The following LPIN1 variants were observed in gnomAD, a reference collection of about 807,000 sequenced individuals.
LPIN1 encodes the protein phosphatidate phosphatase LPIN1.
Under a neutral mutation model 107.5 loss-of-function variants are expected in LPIN1, and 71 were observed. That is an observed-to-expected ratio of 0.66 (90% CI 0.55 to 0.80). The LOEUF (loss-of-function observed/expected upper bound fraction) is 0.80, where lower values mean the gene tolerates loss of function less well. Among genes scored for constraint, LPIN1 ranks in the 30% least tolerant of loss-of-function variants. The probability of loss-of-function intolerance (pLI) is 0.00; values close to 1 mark genes in which losing one functional copy is unlikely to be tolerated. For missense variants in LPIN1, 1,043 were observed against 1,160.6 expected (o/e 0.90, Z 1.47); for synonymous variants, 445 against 452.6 (o/e 0.98, Z 0.21).
rs982360390 is a variant in LPIN1 at position 11,746,635 on chromosome 2, T to C, written c.-46T>C. 18 of 985,204 alleles carry C rather than the reference T, an allele frequency of 1.8e-5. No homozygotes were observed. Among genetic ancestry groups the C allele is most frequent in the Non-Finnish European group, 1.8e-5 (15 of 829,924 alleles). The allele number at this position is 985,204 out of a possible 1,614,324, so 61.0% of individuals were successfully genotyped here. On this transcript the variant is annotated 5_prime_UTR_variant, in exon 1 of 21. Coordinates refer to ENST00000674199, the MANE Select transcript of LPIN1 (RefSeq NM_001349206.2). ...CTGACAGCCGGCGGCGGGCTGGGTG[T>C]TTGCAATACAAAGGCGGCCACGCGC... is the stretch of plus-strand genomic sequence containing the variant.
At chr2:11,810,901 A>G (rs766312581) in intron 17 of LPIN1, among the ~76,000 whole-genome samples, 4 of 152,126 alleles carry the variant, frequency 2.6e-5, no homozygotes, top group Non-Finnish European at 5.9e-5. Context: ...GGATGCAGAG[A>G]TTAGGCAGAG....
chr2:11,677,836 C>T (rs1572279930), intron 1 of LPIN1: 4 of 983,218 alleles, frequency 4.1e-6, no homozygotes, highest in African/African-American at 1.6e-5. Context: ...GCGCCCAGAG[C>T]GCCTTGTTCG....
chr2:11,810,241 TG>T (rs1337820699), intron 17 of LPIN1, among the ~76,000 whole-genome samples: 1 of 152,192 alleles, frequency 6.6e-6, no homozygotes, highest in Non-Finnish European at 1.5e-5. Flanking sequence ...TGTTGGTTTT[TG>T]TTGGACATAC....
intron 1 of LPIN1, chr2:11,683,158 C>T (rs1661814007): frequency 3.3e-5 from 5 of 152,160 alleles, no homozygotes; most frequent in Admixed American, 3.3e-4. Context: ...GATTATGTGA[C>T]TCCACATAAC....
At chr2:11,738,739 G>A (rs1248694394) in intron 1 of LPIN1, among the ~76,000 whole-genome samples, 2 of 152,188 alleles carry the variant, frequency 1.3e-5, no homozygotes, top group Non-Finnish European at 2.9e-5. Context: ...GTGGGCTTCC[G>A]GGAGGCCAAG....
upstream of LPIN1, among the ~76,000 whole-genome samples, chr2:11,723,066 G>GA (rs201346137): frequency 4.3e-3 from 657 of 151,916 alleles, 8 homozygotes; most frequent in African/African-American, 0.014. Context: ...AGAGACAAAA[G>GA]AAAAAAAATC....
intron 1 of LPIN1, chr2:11,741,100 G>A (rs1215421863): frequency 9.0e-6 from 3 of 333,768 alleles, no homozygotes; most frequent in East Asian, 9.9e-5. Flanking sequence ...GGAGCAGGAC[G>A]GCCTTCACAG....
At chr2:11,791,713 A>G (rs1675760938) in intron 12 of LPIN1, 1 of 1,427,468 alleles carries the variant, frequency 7.0e-7, no homozygotes, top group Non-Finnish European at 9.3e-7. Context: ...TTAAGTCTTC[A>G]TGCTTAAGTT....
upstream of LPIN1, among the ~76,000 whole-genome samples, chr2:11,741,825 C>G (rs1168057573): frequency 6.6e-6 from 1 of 150,800 alleles, no homozygotes; most frequent in Non-Finnish European, 1.5e-5. Flanking sequence ...CAAAACCAAA[C>G]CAAACAAAAC....
At chr2:11,750,926 G>A (rs1269489250) in intron 1 of LPIN1, among the ~76,000 whole-genome samples, 2 of 152,212 alleles carry the variant, frequency 1.3e-5, no homozygotes, top group Admixed American at 1.3e-4. Flanking sequence ...ACCAAGACAC[G>A]AATTTGGACA....
chr2:11,708,362 A>G (rs1401261720), intron 1 of LPIN1, among the ~76,000 whole-genome samples: 1 of 152,164 alleles, frequency 6.6e-6, no homozygotes, highest in Non-Finnish European at 1.5e-5. Flanking sequence ...AGTCATGGAA[A>G]TGACTCCAAG....
intron 7 of LPIN1, among the ~76,000 whole-genome samples, chr2:11,780,441 G>A (rs1673398001): frequency 6.6e-6 from 1 of 152,160 alleles, no homozygotes; most frequent in Non-Finnish European, 1.5e-5. Flanking sequence ...CCCTGGGAGA[G>A]GGAAAGGCTA....
At chr2:11,755,988 TG>T (rs936309337) in intron 1 of LPIN1, among the ~76,000 whole-genome samples, 7 of 152,216 alleles carry the variant, frequency 4.6e-5, no homozygotes, top group South Asian at 2.1e-4. Context: ...CCCAAAGTGC[TG>T]GGATCACAGG....
At chr2:11,727,694 A>C (rs1249405413) in intron 1 of LPIN1, among the ~76,000 whole-genome samples, 2 of 152,238 alleles carry the variant, frequency 1.3e-5, no homozygotes, top group Non-Finnish European at 2.9e-5. Flanking sequence ...ATCTGACTCC[A>C]ATTCAGACCA....
intron 1 of LPIN1, among the ~76,000 whole-genome samples, chr2:11,713,070 CA>C (rs1300232787): frequency 2.0e-4 from 30 of 152,326 alleles, no homozygotes; most frequent in African/African-American, 6.7e-4. Flanking sequence ...ACAGCAGAGG[CA>C]GCACTTGAGT....
chr2:11,677,838 C>A, intron 1 of LPIN1: 2 of 967,370 alleles, frequency 2.1e-6, no homozygotes, highest in South Asian at 3.0e-5. Flanking sequence ...GCCCAGAGCG[C>A]CTTGTTCGGG....
At position 11,774,434 on chromosome 2, in the gene LPIN1, C is replaced by T. The variant is rs1405646101; in HGVS notation, c.722+689C>T. 7.9e-5 allele frequency among the ~76,000 whole-genome samples: 12 copies of T among 152,112 alleles called. No homozygotes were observed. The highest frequency in any genetic ancestry group is 6.2e-4 in the South Asian group (3 of 4,822). On this transcript the variant is annotated intron_variant, in intron 5 of 20. Coordinates refer to ENST00000674199, the MANE Select transcript of LPIN1 (RefSeq NM_001349206.2). The surrounding 1 kb of genome is among the most constrained non-coding windows in gnomAD (Gnocchi z 4.4). ...TCTTGGGTGGTGACAAAATCTTAGA[C>T]GTTATAATGGTTTGTGGTCTCTAAG... is the stretch of plus-strand genomic sequence containing the variant.
chr2:11,734,393 A>G (rs1665576408), intron 1 of LPIN1, among the ~76,000 whole-genome samples: 1 of 152,224 alleles, frequency 6.6e-6, no homozygotes, highest in Admixed American at 6.5e-5. Flanking sequence ...ACCCTTTTTT[A>G]TAGCCAAGCA....
At chr2:11,684,118 C>T (rs1335966405) in intron 1 of LPIN1, among the ~76,000 whole-genome samples, 4 of 152,222 alleles carry the variant, frequency 2.6e-5, no homozygotes, top group African/African-American at 7.2e-5. Context: ...CACGCTGTCT[C>T]TTGTGATCCG....
Sources: gnomAD v4.1 joint callset for allele counts (sites outside exome capture counted in the v4.1 genomes callset) on GRCh38, gnomAD v4.1.1 for gene constraint, Gnocchi (gnomAD v3.1) non-coding constraint, MANE v1.5 for transcripts, NCBI Gene and HGNC (gene_info 2026-07-23, HGNC 2026-07-21) for gene names.